HCN1: variants seen among roughly 807,000 people sequenced by gnomAD.
HCN1 encodes the protein potassium/sodium hyperpolarization-activated cyclic nucleotide-gated channel 1.
HCN1 carries 13 observed loss-of-function variants against 78.9 expected under a neutral mutation model. The observed-to-expected ratio is 0.16, with a 90% CI of 0.11 to 0.26. The LOEUF (loss-of-function observed/expected upper bound fraction) is 0.26, where lower values mean the gene tolerates loss of function less well. Ranked by LOEUF, HCN1 falls within the 10% of genes least tolerant of loss-of-function variation. The pLI is 1.00. For missense variants in HCN1, 810 were observed against 1,154.3 expected (o/e 0.70, Z 4.32); for synonymous variants, 552 against 455.5 (o/e 1.21, Z -2.70).
chr5:45,499,111 C>A (rs1382653450), intron 2 of HCN1, among the ~76,000 whole-genome samples: 1 of 152,164 alleles, frequency 6.6e-6, no homozygotes, highest in East Asian at 1.9e-4. Context: ...GGGCTCCACC[C>A]AGTTCAGGTT....
chr5:45,687,653 T>A (rs1739835083), intron 1 of HCN1, among the ~76,000 whole-genome samples: 1 of 152,142 alleles, frequency 6.6e-6, no homozygotes, highest in African/African-American at 2.4e-5. Flanking sequence ...TGGACCTTCT[T>A]TGGCTGTTTG....
Position 45,482,146 on chromosome 5 carries a change from G to A in HCN1, c.850-20139C>T, listed in dbSNP as rs560228927. Among the ~76,000 whole-genome samples, 8 of 152,224 alleles carry A rather than the reference G, an allele frequency of 5.3e-5. No individual in the cohort carries two copies. In the South Asian group the frequency reaches 1.2e-3, roughly 24 times the overall value. ...CCACTATTATAAAAAACCTGGAAAC[G>A]ATTAAACCAGAAAGAAGACAAAGGC... is the stretch of plus-strand genomic sequence containing the variant. On this transcript the variant is annotated intron_variant, in intron 2 of 7. Transcript: ENST00000303230.
At chr5:45,319,971 A>G (rs1316859374) in intron 5 of HCN1, among the ~76,000 whole-genome samples, 2 of 151,864 alleles carry the variant, frequency 1.3e-5, no homozygotes, top group African/African-American at 4.8e-5. Context: ...ATTTTACATT[A>G]TGATTATTCT....
intron 2 of HCN1, among the ~76,000 whole-genome samples, chr5:45,621,434 T>C (rs1745060395): frequency 1.3e-5 from 2 of 152,180 alleles, no homozygotes; most frequent in Admixed American, 1.3e-4. Flanking sequence ...TGATTCCTCA[T>C]GTTTGCCTTA....
chr5:45,599,358 A>G (rs1744576820), intron 2 of HCN1, among the ~76,000 whole-genome samples: 1 of 151,678 alleles, frequency 6.6e-6, no homozygotes, highest in Non-Finnish European at 1.5e-5. Flanking sequence ...GAATTGAACA[A>G]TAAGAACACT....
rs369937509 is a variant in HCN1, at chr5:45,614,741, C to A, written c.849+30444G>T. The stretch of plus-strand genomic sequence containing the variant: ...GAAAACAGAAAAGAAGCTAAAGCAG[C>A]AAAATTTGATACATATAAACAGTAC... On this transcript the variant is annotated intron_variant, in intron 2 of 7. Coordinates refer to ENST00000303230, the MANE Select transcript of HCN1 (RefSeq NM_021072.4). Among the ~76,000 whole-genome samples the A allele has an allele frequency of 9.2e-5, 14 of 152,086 alleles. No individual in the cohort carries two copies. In the South Asian group the frequency reaches 1.5e-3, roughly 16 times the overall value.
At position 45,353,264 on chromosome 5, in the gene HCN1, T is replaced by G; in HGVS notation, c.1231-18A>C. On this transcript the variant is annotated intron_variant, in intron 4 of 7. Transcript: ENST00000303230. ...TGCTTATACTGTAAGGAAGGGAAAA[T>G]AAAATTAAAAAAAAACATTGTTAGG... 1 of 1,561,144 alleles carries G rather than the reference T, an allele frequency of 6.4e-7. No individual in the cohort carries two copies. The highest frequency in any genetic ancestry group is 8.8e-7 in the Non-Finnish European group (1 of 1,135,436).
intron 2 of HCN1, among the ~76,000 whole-genome samples, chr5:45,499,605 G>A (rs1302216255): frequency 1.3e-5 from 2 of 152,098 alleles, no homozygotes; most frequent in Admixed American, 1.3e-4. Context: ...GGCCATCTTG[G>A]CTCCTCCCCC....
At chr5:45,373,399 TTATATAA>T (rs1747477996) in intron 4 of HCN1, among the ~76,000 whole-genome samples, 1 of 129,208 alleles carries the variant, frequency 7.7e-6, no homozygotes, top group South Asian at 2.3e-4. Flanking sequence ...TAAATATATA[TTATATAA>T]AATATATTAT....
intron 2 of HCN1, chr5:45,642,406 C>T (rs897012068): frequency 2.6e-5 from 4 of 151,802 alleles, no homozygotes; most frequent in Non-Finnish European, 5.9e-5. Flanking sequence ...TCTAATTTAT[C>T]TGGCATCAGG....
intron 2 of HCN1, among the ~76,000 whole-genome samples, chr5:45,496,441 T>C (rs1261323231): frequency 1.3e-5 from 2 of 152,136 alleles, no homozygotes; most frequent in Non-Finnish European, 2.9e-5. Context: ...TCAGAAGGAA[T>C]GGTAGCAGTT....
At chr5:45,590,610 C>T (rs937359690) in intron 2 of HCN1, among the ~76,000 whole-genome samples, 2 of 152,122 alleles carry the variant, frequency 1.3e-5, no homozygotes, top group Non-Finnish European at 2.9e-5. Flanking sequence ...GTTTCCTGCC[C>T]TAATAATCAT....
At chr5:45,438,982 A>C (rs1740618503) in intron 3 of HCN1, among the ~76,000 whole-genome samples, 1 of 152,168 alleles carries the variant, frequency 6.6e-6, no homozygotes, top group Non-Finnish European at 1.5e-5. Context: ...ACAGCTATAA[A>C]TTGCCTAATA....
intron 2 of HCN1, among the ~76,000 whole-genome samples, chr5:45,570,887 T>C (rs972756396): frequency 1.3e-5 from 2 of 152,146 alleles, no homozygotes; most frequent in African/African-American, 4.8e-5. Flanking sequence ...TTTGTGACAA[T>C]TTGCTCCTGT....
chr5:45,331,470 T>G (rs1025310495), intron 5 of HCN1, among the ~76,000 whole-genome samples: 1 of 151,360 alleles, frequency 6.6e-6, no homozygotes, highest in African/African-American at 2.4e-5. Flanking sequence ...AAATATCAAA[T>G]TTAAGTCATC....
chr5:45,600,834 G>C (rs1275130864), intron 2 of HCN1, among the ~76,000 whole-genome samples: 3 of 152,138 alleles, frequency 2.0e-5, no homozygotes, highest in Admixed American at 2.0e-4. Context: ...AGAGAAGTTA[G>C]GAAGCACTTC....
rs1744648456 is a variant in HCN1 at position 45,257,753 on chromosome 5, A to C, written c.*4168T>G. 1 of 152,212 alleles carries C rather than the reference A, an allele frequency of 6.6e-6. No individual in the cohort carries two copies. Among genetic ancestry groups the C allele is most frequent in the Non-Finnish European group, 1.5e-5 (1 of 68,044 alleles). The allele number at this position is 152,212 out of a possible 1,614,324, so 9.4% of individuals were successfully genotyped here. Reference sequence around the variant, plus strand: ...CTAAGTACAATAGCAAATCTTTCAAAGAAAATTTCTATCCTATTTTTCCTT... The same window carrying C: ...CTAAGTACAATAGCAAATCTTTCAACGAAAATTTCTATCCTATTTTTCCTT... On this transcript the variant is annotated 3_prime_UTR_variant, in exon 8 of 8. Transcript: ENST00000303230.
At chr5:45,548,500 T>C (rs1265574248) in intron 2 of HCN1, among the ~76,000 whole-genome samples, 2 of 152,008 alleles carry the variant, frequency 1.3e-5, no homozygotes, top group Non-Finnish European at 2.9e-5. Context: ...TATCTCGAAA[T>C]AATAAGAGCT....
chr5:45,398,841 T>G (rs1264723933), intron 3 of HCN1, among the ~76,000 whole-genome samples: 1 of 152,224 alleles, frequency 6.6e-6, no homozygotes, highest in East Asian at 1.9e-4. Flanking sequence ...AATTTGTATT[T>G]CTAAGTTTAT....
Sources: allele counts gnomAD v4.1 joint callset (sites outside exome capture counted in the v4.1 genomes callset), GRCh38; gene constraint gnomAD v4.1.1; transcripts MANE v1.5; gene names NCBI Gene and HGNC (gene_info 2026-07-23, HGNC 2026-07-21).